Variants in CNTLN observed in about 807,000 individuals in gnomAD.
CNTLN encodes centlein, also known as centlein, centrosomal protein.
CNTLN carries 212 observed loss-of-function variants against 180.0 expected under a neutral mutation model. The observed-to-expected ratio is 1.18, with a 90% CI of 1.05 to 1.32. The LOEUF is 1.32. CNTLN is among the 40% of genes most tolerant of loss of function. The pLI, the probability that CNTLN is intolerant of heterozygous loss-of-function variation, is 0.00. For missense variants in CNTLN, 2,095 were observed against 1,610.9 expected (o/e 1.30, Z -5.14); for synonymous variants, 722 against 563.1 (o/e 1.28, Z -3.99).
intron 5 of CNTLN, among the ~76,000 whole-genome samples, chr9:17,256,015 C>T (rs1826463253): frequency 6.6e-6 from 1 of 151,764 alleles, no homozygotes; most frequent in Non-Finnish European, 1.5e-5. Flanking sequence ...TCTTAGTATT[C>T]TTAGTTTTCC....
chr9:17,247,226 C>G (rs975383785), intron 5 of CNTLN, among the ~76,000 whole-genome samples: 2 of 152,028 alleles, frequency 1.3e-5, no homozygotes, highest in African/African-American at 4.8e-5. Context: ...TCCTTGTGGC[C>G]TAGACTGCCT....
the CNTLN span, among the ~76,000 whole-genome samples, chr9:17,513,988 T>A: frequency 2.0e-5 from 3 of 152,082 alleles, no homozygotes; most frequent in Non-Finnish European, 2.9e-5. Flanking sequence ...TAGCCAAATA[T>A]AAATAACCCA....
intron 13 of CNTLN, among the ~76,000 whole-genome samples, chr9:17,386,197 G>T (rs547282791): frequency 6.6e-6 from 1 of 151,576 alleles, no homozygotes; most frequent in South Asian, 2.1e-4. Context: ...AGAATACAAA[G>T]TAAAAGATTG....
chr9:17,274,465 CTATCT>C (rs1828166140), intron 6 of CNTLN, among the ~76,000 whole-genome samples: 2 of 141,242 alleles, frequency 1.4e-5, no homozygotes, highest in African/African-American at 5.3e-5. Flanking sequence ...ATCTATCTAT[CTATCT>C]ATCTATCTAT....
chr9:17,293,354 C>T (rs1472512897), intron 6 of CNTLN, among the ~76,000 whole-genome samples: 1 of 152,230 alleles, frequency 6.6e-6, no homozygotes, highest in Non-Finnish European at 1.5e-5. Context: ...GCCTGGATTC[C>T]TCAGAGCTGG....
At chr9:17,323,452 G>T (rs1054290098) in intron 8 of CNTLN, among the ~76,000 whole-genome samples, 1 of 152,174 alleles carries the variant, frequency 6.6e-6, no homozygotes, top group Non-Finnish European at 1.5e-5. Context: ...CGGGTCACGA[G>T]CTTCAGGGAG....
At chr9:17,441,061 GTA>G (rs2134042679) in intron 18 of CNTLN, among the ~76,000 whole-genome samples, 1 of 37,006 alleles carries the variant, frequency 2.7e-5, no homozygotes, top group African/African-American at 9.4e-5. Context: ...TTAAAGAAGT[GTA>G]CACCACCTTT....
chr9:17,371,311 A>C (rs1182772330), intron 13 of CNTLN, among the ~76,000 whole-genome samples: 1 of 152,190 alleles, frequency 6.6e-6, no homozygotes, highest in Non-Finnish European at 1.5e-5. Context: ...ACCAAAGAAG[A>C]GCAGGAGTAG....
the CNTLN span, among the ~76,000 whole-genome samples, chr9:17,526,354 A>G: frequency 6.6e-6 from 1 of 152,260 alleles, no homozygotes; most frequent in Non-Finnish European, 1.5e-5. Context: ...AACTGTAATT[A>G]AGTAAATTAC....
chr9:17,428,657 T>C (rs1307168477), intron 18 of CNTLN, among the ~76,000 whole-genome samples: 1 of 152,100 alleles, frequency 6.6e-6, no homozygotes, highest in African/African-American at 2.4e-5. Flanking sequence ...AATAATTCAG[T>C]TGAGATCCAG....
chr9:17,173,971 C>T (rs2131668531), intron 2 of CNTLN, among the ~76,000 whole-genome samples: 1 of 152,260 alleles, frequency 6.6e-6, no homozygotes, highest in East Asian at 1.9e-4. Context: ...TTTATAACCC[C>T]ACTCACTTCA....
chr9:17,489,152 C>G (rs911323648), intron 25 of CNTLN, among the ~76,000 whole-genome samples: 1 of 151,706 alleles, frequency 6.6e-6, no homozygotes, highest in Admixed American at 6.6e-5. Flanking sequence ...TTTTAGCCTA[C>G]TTTTCTTCTC....
intron 2 of CNTLN, among the ~76,000 whole-genome samples, chr9:17,179,316 T>C (rs1820974465): frequency 2.0e-5 from 3 of 152,026 alleles, no homozygotes; most frequent in African/African-American, 7.2e-5. Context: ...AACGTACACC[T>C]TTAATTTTAT....
At chr9:17,207,681 C>T (rs1823022133) in intron 2 of CNTLN, among the ~76,000 whole-genome samples, 2 of 152,026 alleles carry the variant, frequency 1.3e-5, no homozygotes, top group African/African-American at 4.8e-5. Context: ...TACTGCTTAA[C>T]CAGTCCCAAT....
At chr9:17,347,083 G>A (rs1022718822) in intron 12 of CNTLN, among the ~76,000 whole-genome samples, 5 of 151,940 alleles carry the variant, frequency 3.3e-5, no homozygotes, top group African/African-American at 1.2e-4. Flanking sequence ...ATGTATAATT[G>A]TTTATTTGCT....
At chr9:17,154,004 C>T (rs986010565) in intron 2 of CNTLN, among the ~76,000 whole-genome samples, 2 of 152,152 alleles carry the variant, frequency 1.3e-5, no homozygotes, top group Admixed American at 1.3e-4. Context: ...TCAGCTCTGT[C>T]AGGTCTTTTA....
intron 8 of CNTLN, among the ~76,000 whole-genome samples, chr9:17,311,670 A>G (rs1284884532): frequency 1.3e-5 from 2 of 151,950 alleles, no homozygotes; most frequent in Non-Finnish European, 2.9e-5. Context: ...TTAGCTGGGC[A>G]TGGTGGCGCG....
intron 8 of CNTLN, among the ~76,000 whole-genome samples, chr9:17,312,369 T>TATATATTATATATATATATATATATA (rs1819235181): frequency 1.2e-4 from 4 of 34,398 alleles, no homozygotes; most frequent in African/African-American, 3.2e-4. Context: ...ATATATTATA[T>TATATATTATATATATATATATATATA]ATATATATAT....
At chr9:17,176,094 T>G (rs1485800944) in intron 2 of CNTLN, among the ~76,000 whole-genome samples, 2 of 152,162 alleles carry the variant, frequency 1.3e-5, no homozygotes, top group African/African-American at 4.8e-5. Flanking sequence ...CCTTTTATTT[T>G]ATTTTATTTT....
Sources: gnomAD v4.1 joint callset for allele counts (sites outside exome capture counted in the v4.1 genomes callset) on GRCh38, gnomAD v4.1.1 for gene constraint, MANE v1.5 for transcripts, NCBI Gene and HGNC (gene_info 2026-07-23, HGNC 2026-07-21) for gene names.